Variants in MBNL3 observed in about 807,000 individuals in gnomAD.
MBNL3 encodes muscleblind-like protein 3.
Under a neutral mutation model 24.5 loss-of-function variants are expected in MBNL3, and 6 were observed. The ratio of observed to expected loss-of-function variants is 0.25; its 90% CI spans 0.13 to 0.48. The LOEUF is 0.48. MBNL3 is among the 20% of genes least tolerant of loss of function. MBNL3 has a pLI of 0.99. For missense variants in MBNL3, 230 were observed against 293.5 expected (o/e 0.78, Z 1.58); for synonymous variants, 100 against 101.7 (o/e 0.98, Z 0.10).
At chrX:132,453,890 G>A (rs773908596) in intron 1 of MBNL3, among the ~76,000 whole-genome samples, 32 of 110,511 alleles carry the variant, frequency 2.9e-4, no homozygotes, top group Admixed American at 8.6e-4. Flanking sequence ...CCAGGAGTTC[G>A]AGACCAGCCT....
chrX:132,467,626 A>G (rs910738644), intron 1 of MBNL3, among the ~76,000 whole-genome samples: 7 of 112,144 alleles, frequency 6.2e-5, no homozygotes, highest in Non-Finnish European at 1.3e-4. Context: ...ACAATGAGAC[A>G]TTGTTAACAA....
At chrX:132,448,364 A>G (rs942946255) in intron 1 of MBNL3, among the ~76,000 whole-genome samples, 1 of 111,331 alleles carries the variant, frequency 9.0e-6, no homozygotes, top group Non-Finnish European at 1.9e-5. Flanking sequence ...TTCCTGGTTT[A>G]GTCTTGGGAG....
At chrX:132,488,031 AGTTTT>A (rs1407881899) in intron 1 of MBNL3, among the ~76,000 whole-genome samples, 3 of 112,280 alleles carry the variant, frequency 2.7e-5, no homozygotes, top group Non-Finnish European at 5.6e-5. Context: ...AAATCTTGCA[AGTTTT>A]GTTTTAATTG....
At chrX:132,474,209 A>G (rs1445656607) in intron 1 of MBNL3, among the ~76,000 whole-genome samples, 1 of 111,654 alleles carries the variant, frequency 9.0e-6, no homozygotes, top group Non-Finnish European at 1.9e-5. Flanking sequence ...GTAAATTTCC[A>G]AATTTATGAA....
At chrX:132,396,478 ATATATATTCC>A (rs1938542292) in intron 3 of MBNL3, among the ~76,000 whole-genome samples, 2 of 69,169 alleles carry the variant, frequency 2.9e-5, no homozygotes, top group Non-Finnish European at 2.5e-5. Context: ...ATATATATTC[ATATATATTCC>A]TATATATATT....
At chrX:132,441,360 C>T (rs1352377942) in intron 1 of MBNL3, among the ~76,000 whole-genome samples, 1 of 111,643 alleles carries the variant, frequency 9.0e-6, no homozygotes, top group Non-Finnish European at 1.9e-5. Context: ...TCCAAAAAAC[C>T]TAATAGCCAG....
At chrX:132,396,887 C>CAT (rs1274679462) in intron 3 of MBNL3, among the ~76,000 whole-genome samples, 11 of 37,613 alleles carry the variant, frequency 2.9e-4, no homozygotes, top group Non-Finnish European at 4.0e-4. Context: ...CATATATATT[C>CAT]ATATATATAT....
chrX:132,381,808 T>G (rs552715916), intron 8 of MBNL3, among the ~76,000 whole-genome samples: 1 of 112,319 alleles, frequency 8.9e-6, no homozygotes, highest in African/African-American at 3.2e-5. Flanking sequence ...AGGTGATGAC[T>G]GTACTAAGCC....
rs1193772105 is a variant in MBNL3 at position 132,483,020 on chromosome X, T to TG, written c.-704+5830dup. On this transcript the variant is annotated intron_variant, in intron 1 of 8. Transcript: ENST00000370853. ...TGTACTATGTTTCACTTCATATATC[T>TG]GGGTGAGCTAATAAGGTTTCTCTTC... Among the ~76,000 whole-genome samples the TG allele has an allele frequency of 2.7e-5, 3 of 112,637 alleles. No homozygotes were observed. The Admixed American group carries it at 2.8e-4, about 11-fold the overall frequency.
intron 6 of MBNL3, among the ~76,000 whole-genome samples, chrX:132,386,112 TAAC>T (rs912180276): frequency 2.7e-5 from 3 of 111,972 alleles, no homozygotes; most frequent in Non-Finnish European, 5.6e-5. Flanking sequence ...ATGTAGGAGA[TAAC>T]AAAATATGCT....
chrX:132,408,016 A>G (rs1427383575), intron 2 of MBNL3, among the ~76,000 whole-genome samples: 1 of 101,181 alleles, frequency 9.9e-6, no homozygotes, highest in African/African-American at 3.6e-5. Context: ...AGTTGTTTCA[A>G]AGTTCCATCT....
intron 1 of MBNL3, among the ~76,000 whole-genome samples, chrX:132,450,174 T>TG (rs759759554): frequency 3.4e-4 from 38 of 111,340 alleles, no homozygotes; most frequent in Non-Finnish European, 6.6e-4. Flanking sequence ...ATCTTTGTGG[T>TG]GTTCTCTGTA....
At chrX:132,387,340 C>CAA (rs397895685) in intron 5 of MBNL3, among the ~76,000 whole-genome samples, 30 of 74,412 alleles carry the variant, frequency 4.0e-4, no homozygotes, top group African/African-American at 1.3e-3. Flanking sequence ...AAAAAAAATG[C>CAA]AAAAAAAAAA....
chrX:132,427,281 C>G (rs910940298), intron 2 of MBNL3, among the ~76,000 whole-genome samples: 10 of 111,471 alleles, frequency 9.0e-5, no homozygotes. Flanking sequence ...CAGTGGGGTA[C>G]TGGGAGATTA....
intron 1 of MBNL3, among the ~76,000 whole-genome samples, chrX:132,454,858 C>G (rs959086546): frequency 1.8e-5 from 2 of 112,233 alleles, no homozygotes; most frequent in Non-Finnish European, 3.8e-5. Flanking sequence ...CAGTCTTAAG[C>G]TCTACATTTC....
intron 2 of MBNL3, chrX:132,413,426 C>T: frequency 3.0e-6 from 3 of 1,012,051 alleles, no homozygotes; most frequent in Non-Finnish European, 1.4e-6. Context: ...GTTCTTCTGC[C>T]TTGATAAGTT....
rs1355779334 is a variant in MBNL3, at chrX:132,376,827, T to C, written c.*2839A>G. 1.8e-5 allele frequency: 2 copies of C among 111,974 alleles called. No homozygotes were observed. The highest frequency in any genetic ancestry group is 3.8e-5 in the Non-Finnish European group (2 of 53,059). 9.2% of individuals were successfully genotyped at this position (111,974 alleles called of 1,213,427 possible). A position where few individuals can be genotyped will look rare whatever the true frequency, so the allele number is the denominator to read the frequency against. On this transcript the variant is annotated 3_prime_UTR_variant, in exon 9 of 9. Transcript: ENST00000370853. ...AAATTGTATTTTTTTCTGAAAACTCTATTGAATTTGATCAAAACTTTAGGG... is the reference window on the plus strand; with the variant it reads ...AAATTGTATTTTTTTCTGAAAACTCCATTGAATTTGATCAAAACTTTAGGG...
At chrX:132,459,772 G>A (rs1258552330) in intron 1 of MBNL3, among the ~76,000 whole-genome samples, 1 of 111,864 alleles carries the variant, frequency 8.9e-6, no homozygotes, top group Admixed American at 9.5e-5. Context: ...TTGAACCTCT[G>A]TCCAGATATT....
intron 2 of MBNL3, among the ~76,000 whole-genome samples, chrX:132,407,926 C>T (rs1168129691): frequency 9.2e-6 from 1 of 108,494 alleles, no homozygotes; most frequent in Non-Finnish European, 1.9e-5. Context: ...CCTCCCACAC[C>T]CTAACATTAA....
Sources: gnomAD v4.1 joint callset for allele counts (sites outside exome capture counted in the v4.1 genomes callset) on GRCh38, gnomAD v4.1.1 for gene constraint, MANE v1.5 for transcripts, NCBI Gene and HGNC (gene_info 2026-07-23, HGNC 2026-07-21) for gene names.